Variants in EVA1A observed in about 807,000 individuals in gnomAD.
EVA1A encodes eva-1 homolog A, regulator of programmed cell death.
Under a neutral mutation model 9.8 loss-of-function variants are expected in EVA1A, and 7 were observed. That is an observed-to-expected ratio of 0.71 (90% confidence interval 0.41 to 1.34). EVA1A has a LOEUF of 1.34. Among genes scored for constraint, EVA1A ranks in the 40% most tolerant of loss-of-function variants. EVA1A has a pLI of 0.01. For missense variants in EVA1A, 206 were observed against 205.9 expected, an observed-to-expected ratio of 1.00 and a Z score of 0.00; for synonymous variants, 90 against 85.6, an observed-to-expected ratio of 1.05 and a Z score of -0.28.
chr2:75,561,041 G>A (rs1359705441), upstream of EVA1A: 1 of 150,356 alleles, frequency 6.7e-6, no homozygotes, highest in South Asian at 2.2e-4. Flanking sequence ...GCAAGCCAGC[G>A]GCCCATGTGG....
intron 3 of EVA1A, among the ~76,000 whole-genome samples, chr2:75,516,977 T>G (rs1675030808): frequency 6.6e-6 from 1 of 152,142 alleles, no homozygotes. Context: ...ACTGGTGACC[T>G]AGGCCTTCAC....
intron 1 of EVA1A, among the ~76,000 whole-genome samples, chr2:75,546,959 C>G (rs574405049): frequency 9.2e-5 from 14 of 151,454 alleles, no homozygotes; most frequent in Admixed American, 6.6e-4. Flanking sequence ...ATTGGAGAAC[C>G]CTGGGACAGA....
At chr2:75,546,930 C>T (rs1225726101) in intron 1 of EVA1A, among the ~76,000 whole-genome samples, 2 of 137,068 alleles carry the variant, frequency 1.5e-5, no homozygotes, top group Admixed American at 7.2e-5. Context: ...AAAAAAAACA[C>T]CTAAGGCTAC....
chr2:75,531,261 G>A (rs1252267159), intron 1 of EVA1A, among the ~76,000 whole-genome samples: 1 of 152,160 alleles, frequency 6.6e-6, no homozygotes, highest in East Asian at 1.9e-4. Flanking sequence ...AATAGATGTT[G>A]GCATGGATGT....
intron 1 of EVA1A, among the ~76,000 whole-genome samples, chr2:75,524,749 C>T (rs11694469): frequency 0.1 from 15,323 of 152,090 alleles, 1,080 homozygotes; most frequent in East Asian, 0.31. Context: ...CTCATTCTGA[C>T]CTTCCTTCCT....
At chr2:75,569,262 C>T (rs1326134096) in intron 1 of EVA1A, among the ~76,000 whole-genome samples, 1 of 151,984 alleles carries the variant, frequency 6.6e-6, no homozygotes, top group East Asian at 1.9e-4. Flanking sequence ...ATTCACTTGC[C>T]TCACTTTCTT....
intron 3 of EVA1A, among the ~76,000 whole-genome samples, chr2:75,501,173 T>A (rs957998431): frequency 6.6e-6 from 1 of 152,060 alleles, no homozygotes; most frequent in Non-Finnish European, 1.5e-5. Flanking sequence ...AAACACACCC[T>A]CCTCTTCATG....
chr2:75,527,370 A>C (rs996943823), intron 1 of EVA1A, among the ~76,000 whole-genome samples: 5 of 152,178 alleles, frequency 3.3e-5, no homozygotes, highest in African/African-American at 1.2e-4. Context: ...TAAGGACTAC[A>C]TGGGAAGCCT....
chr2:75,552,553 GA>G (rs1462705759), intron 1 of EVA1A, among the ~76,000 whole-genome samples: 1 of 152,114 alleles, frequency 6.6e-6, no homozygotes, highest in Non-Finnish European at 1.5e-5. Context: ...TGTCTTATTA[GA>G]ATCTCATTAT....
rs139495410 is a variant in EVA1A, at chr2:75,533,142, C to A, written c.-191-10655G>T. ...CCAGCCTGAGTGACAGAGTGAGACC[C>A]TGTCTTTAAAAAAAAAAAAAGAAAA... On this transcript the variant is annotated intron_variant, in intron 1 of 3. Coordinates refer to ENST00000393913, the MANE Select transcript of EVA1A (RefSeq NM_001135032.2). Among the ~76,000 whole-genome samples, 1,257 of 145,738 alleles carry A rather than the reference C, an allele frequency of 8.6e-3. 17 individuals are homozygous for A. Among genetic ancestry groups the A allele is most frequent in the African/African-American group, 0.031 (1,176 of 37,906 alleles).
At chr2:75,540,421 T>A (rs749705010) in intron 1 of EVA1A, among the ~76,000 whole-genome samples, 1 of 152,192 alleles carries the variant, frequency 6.6e-6, no homozygotes, top group Admixed American at 6.5e-5. Flanking sequence ...GAGAAGCACA[T>A]CTGAGAAATG....
upstream of EVA1A, among the ~76,000 whole-genome samples, chr2:75,561,933 C>A (rs1676933901): frequency 6.6e-6 from 1 of 152,054 alleles, no homozygotes; most frequent in African/African-American, 2.4e-5. Flanking sequence ...GAGGTGACTC[C>A]CAGGCCTCTG....
At chr2:75,527,387 C>A (rs1474132417) in intron 1 of EVA1A, among the ~76,000 whole-genome samples, 2 of 152,118 alleles carry the variant, frequency 1.3e-5, no homozygotes, top group Non-Finnish European at 2.9e-5. Context: ...GCCTGGACAT[C>A]CGCCCCCTCC....
At chr2:75,555,337 C>CTCTCTCTCTCTCTCTCTCCG (rs1553421931) in intron 1 of EVA1A, among the ~76,000 whole-genome samples, 1 of 127,070 alleles carries the variant, frequency 7.9e-6, no homozygotes, top group Non-Finnish European at 1.7e-5. Context: ...CTCTCTCTCT[C>CTCTCTCTCTCTCTCTCTCCG]CCCCATCTCC....
chr2:75,555,392 A>C (rs1297763604), intron 1 of EVA1A, among the ~76,000 whole-genome samples: 1 of 145,850 alleles, frequency 6.9e-6, no homozygotes, highest in Non-Finnish European at 1.5e-5. Context: ...GTCTGGAGAA[A>C]TTTAGCAATT....
At chr2:75,559,697 T>TGGGGGGGGGGGGGGGGG (rs36059976) in intron 1 of EVA1A, among the ~76,000 whole-genome samples, 4 of 78,824 alleles carry the variant, frequency 5.1e-5, no homozygotes, top group African/African-American at 1.2e-4. Flanking sequence ...AGAAAGGAGG[T>TGGGGGGGGGGGGGGGGG]GGGGGGGGGG....
chr2:75,497,293 C>A (rs1674244775), intron 3 of EVA1A, among the ~76,000 whole-genome samples: 1 of 152,090 alleles, frequency 6.6e-6, no homozygotes. Flanking sequence ...ATGCATCTGA[C>A]AAAGTCCTAA....
intron 3 of EVA1A, among the ~76,000 whole-genome samples, chr2:75,514,648 T>C (rs927635402): frequency 2.6e-5 from 4 of 152,180 alleles, no homozygotes; most frequent in African/African-American, 9.6e-5. Flanking sequence ...TTATAATATA[T>C]ATGGTGTGTG....
intron 3 of EVA1A, among the ~76,000 whole-genome samples, chr2:75,515,703 T>C (rs1484506734): frequency 6.6e-6 from 1 of 152,230 alleles, no homozygotes; most frequent in African/African-American, 2.4e-5. Context: ...AATGCCTCCT[T>C]TTATATAAAC....
Sources: gnomAD v4.1 joint callset for allele counts (sites outside exome capture counted in the v4.1 genomes callset) on GRCh38, gnomAD v4.1.1 for gene constraint, MANE v1.5 for transcripts, NCBI Gene and HGNC (gene_info 2026-07-23, HGNC 2026-07-21) for gene names.